Variants in MARCHF4 observed in about 807,000 individuals in gnomAD.
MARCHF4 encodes the protein E3 ubiquitin-protein ligase MARCHF4.
MARCHF4 carries 14 observed loss-of-function variants against 43.9 expected under a neutral mutation model. The ratio of observed to expected loss-of-function variants is 0.32; its 90% CI spans 0.21 to 0.50. MARCHF4 has a LOEUF of 0.50. Ranked by LOEUF, MARCHF4 falls within the 20% of genes least tolerant of loss-of-function variation. The pLI is 0.98. For missense variants in MARCHF4, 468 were observed against 536.7 expected (o/e 0.87, Z 1.27); for synonymous variants, 226 against 213.3 (o/e 1.06, Z -0.52).
intron 3 of MARCHF4, among the ~76,000 whole-genome samples, chr2:216,276,272 C>T (rs886453902): frequency 6.6e-6 from 1 of 152,220 alleles, no homozygotes; most frequent in African/African-American, 2.4e-5. Flanking sequence ...GGAGACACAC[C>T]TGGCTTTTGG....
chr2:216,342,685 C>A (rs140839480), intron 1 of MARCHF4, among the ~76,000 whole-genome samples: 3 of 152,046 alleles, frequency 2.0e-5, no homozygotes, highest in South Asian at 4.2e-4. Flanking sequence ...ACTCAGAGAC[C>A]CCCTAGGAGG....
At chr2:216,337,205 A>G (rs1410266408) in intron 1 of MARCHF4, among the ~76,000 whole-genome samples, 1 of 152,122 alleles carries the variant, frequency 6.6e-6, no homozygotes, top group Non-Finnish European at 1.5e-5. Context: ...GTGCAAAAAG[A>G]TCAGGCTACA....
chr2:216,320,635 C>CTT (rs1691868211), intron 1 of MARCHF4, among the ~76,000 whole-genome samples: 1 of 111,902 alleles, frequency 8.9e-6, no homozygotes, highest in South Asian at 3.4e-4. Context: ...TTCTTTCTTT[C>CTT]TTTCTTTCTT....
At chr2:216,273,483 G>T (rs779347749) in intron 3 of MARCHF4, among the ~76,000 whole-genome samples, 6 of 152,112 alleles carry the variant, frequency 3.9e-5, no homozygotes, top group Non-Finnish European at 7.4e-5. Flanking sequence ...GAGGAGCTTG[G>T]GCTTATGGAT....
intron 1 of MARCHF4, among the ~76,000 whole-genome samples, chr2:216,315,951 A>G (rs953843507): frequency 6.6e-6 from 1 of 152,166 alleles, no homozygotes. Flanking sequence ...GATCTGCATC[A>G]CTGGAGCCCT....
Position 216,316,489 on chromosome 2 carries a change from AT to A in MARCHF4, c.517-32761del, listed in dbSNP as rs534761422. On this transcript the variant is annotated intron_variant, in intron 1 of 3. Coordinates refer to ENST00000273067, the MANE Select transcript of MARCHF4 (RefSeq NM_020814.3). Reference sequence around the variant, plus strand: ...GAAAGGCAAATTTCTAGAACGGGGTATTGCATAGTGGAAGAAGGAAATTTCA... The same window carrying A: ...GAAAGGCAAATTTCTAGAACGGGGTATGCATAGTGGAAGAAGGAAATTTCA... 2.7e-4 allele frequency among the ~76,000 whole-genome samples: 41 copies of A among 152,262 alleles called. 1 individual carries two copies. In the East Asian group the frequency reaches 7.9e-3, roughly 29 times the overall value.
chr2:216,320,305 C>G (rs1372315759), intron 1 of MARCHF4, among the ~76,000 whole-genome samples: 1 of 152,098 alleles, frequency 6.6e-6, no homozygotes, highest in Non-Finnish European at 1.5e-5. Flanking sequence ...TTATGAGGAT[C>G]CAGTTTAGTG....
chr2:216,300,142 C>A lies in MARCHF4; in HGVS notation c.517-16413G>T, dbSNP rs77047208. ...TAACTTTGTGACCTTGGGCAATTCCCTTAGCCTCTCTGAGCTTTAACTCTA... is the reference window on the plus strand; with the variant it reads ...TAACTTTGTGACCTTGGGCAATTCCATTAGCCTCTCTGAGCTTTAACTCTA... On this transcript the variant is annotated intron_variant, in intron 1 of 3. Transcript: ENST00000273067. Among the ~76,000 whole-genome samples, 54 of 152,188 alleles carry A rather than the reference C, an allele frequency of 3.5e-4. No individual in the cohort carries two copies. The East Asian group carries it at 9.5e-3, about 27-fold the overall frequency.
At chr2:216,367,071 T>G (rs957645894) in intron 1 of MARCHF4, among the ~76,000 whole-genome samples, 3 of 152,182 alleles carry the variant, frequency 2.0e-5, no homozygotes, top group African/African-American at 7.2e-5. Context: ...CAAATACTCA[T>G]TTTTTGGCAG....
At chr2:216,366,064 A>G (rs1256681536) in intron 1 of MARCHF4, among the ~76,000 whole-genome samples, 2 of 152,240 alleles carry the variant, frequency 1.3e-5, no homozygotes, top group African/African-American at 2.4e-5. Flanking sequence ...CTTTTAAACA[A>G]GGCAGGAACA....
intron 1 of MARCHF4, among the ~76,000 whole-genome samples, chr2:216,343,408 A>C (rs894900462): frequency 6.6e-6 from 1 of 152,142 alleles, no homozygotes; most frequent in Admixed American, 6.5e-5. Flanking sequence ...TCATAAGGAC[A>C]CTAATCCCAT....
intron 1 of MARCHF4, among the ~76,000 whole-genome samples, chr2:216,354,967 CTTTCTTTCTTTCTTTCTTTT>C (rs1559106708): frequency 8.2e-6 from 1 of 121,478 alleles, no homozygotes; most frequent in African/African-American, 3.5e-5. Context: ...TTCTTTCTTT[CTTTCTTTCTTTCTTTCTTTT>C]TTGAGACAGA....
intron 1 of MARCHF4, among the ~76,000 whole-genome samples, chr2:216,284,618 A>T (rs1471528350): frequency 2.0e-5 from 3 of 152,094 alleles, no homozygotes; most frequent in Non-Finnish European, 4.4e-5. Flanking sequence ...GGCATGCACC[A>T]CCATGCCCGA....
intron 1 of MARCHF4, among the ~76,000 whole-genome samples, chr2:216,344,043 C>G (rs1347305721): frequency 6.6e-6 from 1 of 152,088 alleles, no homozygotes; most frequent in Non-Finnish European, 1.5e-5. Context: ...GATGGGAACC[C>G]TGGCAAAACC....
At chr2:216,348,810 A>G (rs1692358973) in intron 1 of MARCHF4, among the ~76,000 whole-genome samples, 1 of 152,182 alleles carries the variant, frequency 6.6e-6, no homozygotes, top group African/African-American at 2.4e-5. Flanking sequence ...AACATTAGAC[A>G]TATTCACTGC....
intron 1 of MARCHF4, among the ~76,000 whole-genome samples, chr2:216,324,717 CAT>C: frequency 7.0e-6 from 1 of 143,098 alleles, no homozygotes; most frequent in South Asian, 2.3e-4. Flanking sequence ...ACAAAAACCA[CAT>C]GATTATCTCA....
intron 1 of MARCHF4, among the ~76,000 whole-genome samples, chr2:216,362,749 C>T (rs1692604862): frequency 6.6e-6 from 1 of 152,172 alleles, no homozygotes; most frequent in East Asian, 1.9e-4. Flanking sequence ...TGTGCTATTT[C>T]GTCATGAGAC....
At chr2:216,292,738 G>A (rs112183739) in intron 1 of MARCHF4, among the ~76,000 whole-genome samples, 484 of 152,206 alleles carry the variant, frequency 3.2e-3, no homozygotes, top group African/African-American at 0.011. Flanking sequence ...GAAAGGGTTC[G>A]GCGGGGGAGG....
At chr2:216,355,727 A>G (rs1052629165) in intron 1 of MARCHF4, among the ~76,000 whole-genome samples, 11 of 152,258 alleles carry the variant, frequency 7.2e-5, no homozygotes, top group African/African-American at 2.4e-4. Flanking sequence ...GAATGTCTGC[A>G]TTGACTTTGC....
Sources: allele counts gnomAD v4.1 joint callset (sites outside exome capture counted in the v4.1 genomes callset), GRCh38; gene constraint gnomAD v4.1.1; transcripts MANE v1.5; gene names NCBI Gene and HGNC (gene_info 2026-07-23, HGNC 2026-07-21).